SAC3D1: variants seen among roughly 807,000 people sequenced by gnomAD.
The protein encoded by SAC3D1 is SAC3 domain-containing protein 1.
A neutral mutation model predicts 12.7 loss-of-function variants in SAC3D1; 10 were observed. That is an observed-to-expected ratio of 0.79 (90% CI 0.49 to 1.34). SAC3D1 has a LOEUF of 1.34. SAC3D1 is among the 40% of genes most tolerant of loss of function. SAC3D1 has a pLI of 0.00. For synonymous variants in SAC3D1, 241 were observed against 250.8 expected, an observed-to-expected ratio of 0.96 and a Z score of 0.37; for missense variants, 482 against 531.1, an observed-to-expected ratio of 0.91 and a Z score of 0.91.
upstream of SAC3D1, chr11:65,041,037 G>T: frequency 1.8e-6 from 1 of 547,466 alleles, no homozygotes; most frequent in Non-Finnish European, 3.2e-6. Flanking sequence ...GCCCTAGAGC[G>T]CGCGGAGCCG....
chr11:65,041,234 T>TC lies in SAC3D1; in HGVS notation c.-56dup. 1 of 1,456,544 alleles carries TC rather than the reference T, an allele frequency of 6.9e-7. No individual in the cohort carries two copies. The highest frequency in any genetic ancestry group is 9.0e-7 in the Non-Finnish European group (1 of 1,108,652). The allele number at this position is 1,456,544 out of a possible 1,614,324, so 90.2% of individuals were successfully genotyped here. A position where few individuals can be genotyped will look rare whatever the true frequency, so the allele number is the denominator to read the frequency against. ...ACCCCCCGGCCGGCCTCGCGTGCCT[T>TC]CCCGCAGCACTGCCGTCCCCGGGAT... On this transcript the variant is annotated 5_prime_UTR_variant, in exon 1 of 2. Transcript: ENST00000652489.
In SAC3D1 at chr11:65,044,321, G is replaced by T; in HGVS notation, c.671G>T (p.Arg224Leu). 1 of 1,613,352 alleles carries T rather than the reference G, an allele frequency of 6.2e-7. No homozygotes were observed. ...GCCTTGGCGGTAGATGCTGCCTTCCGAGAGGGCAATGCTGCCCGCCTGTTC... is the reference window on the plus strand; with the variant it reads ...GCCTTGGCGGTAGATGCTGCCTTCCTAGAGGGCAATGCTGCCCGCCTGTTC... ...RKALAVDAAF[R>L]EGNAARLFRL... Residue 224 changes from arginine to leucine, a missense_variant, in exon 2 of 2, where the codon CGA becomes CTA. Arg to Leu is a moderately radical substitution (Grantham distance 102). Coordinates refer to ENST00000652489, the MANE Select transcript of SAC3D1 (RefSeq NM_013299.4). The surrounding 1 kb of genome is among the most constrained non-coding windows in gnomAD (Gnocchi z 4.0).
rs951899886 is a variant in SAC3D1, at chr11:65,044,053, A to G, written c.575-172A>G. Among the ~76,000 whole-genome samples, 5 of 152,206 alleles carry G rather than the reference A, an allele frequency of 3.3e-5. No individual in the cohort carries two copies. Among genetic ancestry groups the G allele is most frequent in the African/African-American group, 1.2e-4 (5 of 41,458 alleles). On this transcript the variant is annotated intron_variant, in intron 1 of 1. Coordinates refer to ENST00000652489, the MANE Select transcript of SAC3D1 (RefSeq NM_013299.4). The surrounding 1 kb of genome is among the most constrained non-coding windows in gnomAD (Gnocchi z 4.0). ...CAAGAGCCTGAGGCCACTCATTCAA[A>G]TATAGGTTGGGGAAGGAGCCAAAGG...
At position 65,041,445 on chromosome 11, in the gene SAC3D1, G is replaced by A. The variant is rs1323708631; in HGVS notation, c.153G>A (p.Val51=). ...CCCGCGCGGATCCGCAGCGCGCGGTGAAGGAGTACAGCCGACCCGCCGCCG... is the reference window on the plus strand; with the variant it reads ...CCCGCGCGGATCCGCAGCGCGCGGTAAAGGAGTACAGCCGACCCGCCGCCG... ...DPPRADPQRA[V]KEYSRPAAGK... Residue 51 remains valine, a synonymous_variant, in exon 1 of 2, where the codon GTG becomes GTA. Transcript: ENST00000652489. The A allele has an allele frequency of 1.3e-6, 2 of 1,501,490 alleles. No individual in the cohort carries two copies. 93.0% of individuals were successfully genotyped at this position (1,501,490 alleles called of 1,614,324 possible). A position where few individuals can be genotyped will look rare whatever the true frequency, so the allele number is the denominator to read the frequency against.
intron 1 of SAC3D1, among the ~76,000 whole-genome samples, chr11:65,043,960 C>T (rs1210667291): frequency 2.0e-5 from 3 of 152,216 alleles, no homozygotes; most frequent in African/African-American, 7.2e-5. Context: ...ATTATCTGGG[C>T]CAGCTTCCCA....
intron 1 of SAC3D1, among the ~76,000 whole-genome samples, chr11:65,042,382 AC>A (rs201920268): frequency 0.014 from 2,114 of 152,162 alleles, 47 homozygotes; most frequent in African/African-American, 0.048. Context: ...GGCGTGAGCC[AC>A]CGCGCCCGGC....
intron 1 of SAC3D1, 43 bp downstream of exon 1, chr11:65,041,909 A>G: frequency 7.3e-7 from 1 of 1,372,652 alleles, no homozygotes; most frequent in Non-Finnish European, 9.4e-7. Flanking sequence ...TGGGGACAGG[A>G]GCCCACCATG....
rs1371832108 is a variant in SAC3D1 at position 65,041,470 on chromosome 11, G to A, written c.178G>A (p.Gly60Ser). The change falls in exon 1 of 2, where the codon GGC becomes AGC. Residue 60 changes from glycine to serine, a missense_variant. By Grantham distance (56) the Gly-to-Ser change is moderately conservative. Coordinates refer to ENST00000652489, the MANE Select transcript of SAC3D1 (RefSeq NM_013299.4). ...GAAGGAGTACAGCCGACCCGCCGCCGGCAAGCCCCGGCCCCCGCCCAGCCA... is the reference window on the plus strand; with the variant it reads ...GAAGGAGTACAGCCGACCCGCCGCCAGCAAGCCCCGGCCCCCGCCCAGCCA... ...AVKEYSRPAAGKPRPPPSQLR... is the reference protein window; with the variant it reads ...AVKEYSRPAASKPRPPPSQLR... 6.8e-7 allele frequency: 1 copy of A among 1,478,448 alleles called. No homozygotes were observed. The allele number at this position is 1,478,448 out of a possible 1,614,324, so 91.6% of individuals were successfully genotyped here.
intron 1 of SAC3D1, among the ~76,000 whole-genome samples, chr11:65,042,210 G>A (rs1229866040): frequency 2.0e-5 from 3 of 151,694 alleles, no homozygotes; most frequent in Non-Finnish European, 4.4e-5. Context: ...CGATTCTTCT[G>A]CCTCAGCCTC....
rs779798673 is a variant in SAC3D1, at chr11:65,044,405, A to G, written c.755A>G (p.His252Arg). ...PSCAVQCHVG[H>R]ARREALARFA... ...TGCGCTGTGCAGTGCCATGTGGGCC[A>G]TGCCCGCCGGGAAGCCCTGGCCCGC... Residue 252 changes from histidine to arginine, a missense_variant, in exon 2 of 2, where the codon CAT (histidine) becomes CGT (arginine). Physicochemically the swap from His to Arg is conservative, Grantham distance 29. Around this residue, in one of 3 missense-constraint regions of SAC3D1, gnomAD observed 225 missense variants for 241.1 expected, o/e 0.93. Coordinates refer to ENST00000652489, the MANE Select transcript of SAC3D1 (RefSeq NM_013299.4). This position sits in a 1 kb window ranked among gnomAD's most constrained non-coding sequence, Gnocchi z 4.0. 8.7e-6 allele frequency: 14 copies of G among 1,613,578 alleles called. No individual in the cohort carries two copies. In the East Asian group the frequency reaches 2.7e-4, roughly 31 times the overall value.
rs1257213869 is a variant in SAC3D1 at position 65,041,375 on chromosome 11, G to C, written c.83G>C (p.Arg28Pro). ...CGCGCCCAGCGCGAAAGGGAGCACCGCCTGCACCGCTTGGAGGTGGTGCCG... is the reference window on the plus strand; with the variant it reads ...CGCGCCCAGCGCGAAAGGGAGCACCCCCTGCACCGCTTGGAGGTGGTGCCG... The part of the protein sequence containing the change: ...AERAQREREH[R>P]LHRLEVVPGC... The change falls in exon 1 of 2, where the codon CGC (arginine) becomes CCC (proline). Residue 28 changes from arginine (R) to proline (P), a missense_variant. Transcript: ENST00000652489. 6.6e-7 allele frequency: 1 copy of C among 1,512,002 alleles called. No homozygotes were observed. Among genetic ancestry groups the C allele is most frequent in the Non-Finnish European group, 8.8e-7 (1 of 1,137,228 alleles). 93.7% of individuals were successfully genotyped at this position (1,512,002 alleles called of 1,614,324 possible).
At chr11:65,042,015 C>G in intron 1 of SAC3D1, 149 bp downstream of exon 1, 1 of 1,080,966 alleles carries the variant, frequency 9.3e-7, no homozygotes, top group Non-Finnish European at 1.2e-6. Context: ...GACGTGGGAC[C>G]TCGGGCCCAT....
chr11:65,041,044 G>A, upstream of SAC3D1: 1 of 553,536 alleles, frequency 1.8e-6, no homozygotes, highest in Admixed American at 4.1e-5. Flanking sequence ...AGCGCGCGGA[G>A]CCGCAGAGGC....
chr11:65,041,197 C>T (rs945262859), upstream of SAC3D1: 8 of 1,174,372 alleles, frequency 6.8e-6, no homozygotes, highest in East Asian at 2.1e-4. Flanking sequence ...CCGCCCCGAC[C>T]CGCCGCTCCC....
In SAC3D1 at chr11:65,044,392, T is replaced by G; in HGVS notation, c.742T>G (p.Cys248Gly). The G allele has an allele frequency of 6.2e-7, 1 of 1,613,596 alleles. No individual in the cohort carries two copies. Among genetic ancestry groups the G allele is most frequent in the Non-Finnish European group, 8.5e-7 (1 of 1,180,008 alleles). ...LPYLPSCAVQ[C>G]HVGHARREAL... ...CTACCTGCCAAGTTGCGCTGTGCAG[T>G]GCCATGTGGGCCATGCCCGCCGGGA... Residue 248 changes from cysteine to glycine, a missense_variant, in exon 2 of 2, where the codon TGC becomes GGC. Cys to Gly is a radical substitution (Grantham distance 159). Coordinates refer to ENST00000652489, the MANE Select transcript of SAC3D1 (RefSeq NM_013299.4). The surrounding 1 kb of genome is among the most constrained non-coding windows in gnomAD (Gnocchi z 4.0).
chr11:65,041,601 C>T lies in SAC3D1; in HGVS notation c.309C>T (p.Asp103=), dbSNP rs745716463. 1 of 1,473,014 alleles carries T rather than the reference C, an allele frequency of 6.8e-7. No homozygotes were observed. Among genetic ancestry groups the T allele is most frequent in the Non-Finnish European group, 8.9e-7 (1 of 1,117,476 alleles). The allele number at this position is 1,473,014 out of a possible 1,614,324, so 91.2% of individuals were successfully genotyped here. A position where few individuals can be genotyped will look rare whatever the true frequency, so the allele number is the denominator to read the frequency against. ...ARAEVASFVA[D]RLRAVLLDLA... ...CCGAGGTGGCCAGCTTCGTGGCAGACCGCTTGCGAGCTGTGCTCCTGGACC... is the reference window on the plus strand; with the variant it reads ...CCGAGGTGGCCAGCTTCGTGGCAGATCGCTTGCGAGCTGTGCTCCTGGACC... The change falls in exon 1 of 2, where the codon GAC becomes GAT. Residue 103 remains aspartate (D), a synonymous_variant. Coordinates refer to ENST00000652489, the MANE Select transcript of SAC3D1 (RefSeq NM_013299.4).
rs777894075 is a variant in SAC3D1 at position 65,041,662 on chromosome 11, G to A, written c.370G>A (p.Val124Met). ...GGGAGCGGGCGACGCCGAGGCAGCT[G>A]TGGTGCTGGAGGCGGCGCTGGCCAC... ...LQGAGDAEAA[V>M]VLEAALATLL... Residue 124 changes from valine to methionine, a missense_variant, in exon 1 of 2, where the codon GTG becomes ATG. Physicochemically the swap from Val to Met is conservative, Grantham distance 21. Transcript: ENST00000652489. 243 of 1,424,442 alleles carry A rather than the reference G, an allele frequency of 1.7e-4. No individual in the cohort carries two copies. Among genetic ancestry groups the A allele is most frequent in the Non-Finnish European group, 2.1e-4 (233 of 1,091,510 alleles). The allele number at this position is 1,424,442 out of a possible 1,614,324, so 88.2% of individuals were successfully genotyped here.
intron 1 of SAC3D1, chr11:65,043,079 C>T (rs1455329754): frequency 2.2e-6 from 1 of 446,992 alleles, no homozygotes; most frequent in Admixed American, 2.4e-5. Context: ...GATCCTCCTG[C>T]CCCACCCTCC....
Position 65,041,747 on chromosome 11 carries a change from T to G in SAC3D1, c.455T>G (p.Val152Gly). ...PDAARGPADP[V>G]LLQAQVQEGF... ...GCGGCGCGGGGACCCGCGGACCCGG[T>G]GCTGCTGCAGGCCCAGGTGCAGGAG... The change falls in exon 1 of 2, where the codon GTG (valine) becomes GGG (glycine). Residue 152 changes from valine to glycine, a missense_variant. By Grantham distance (109) the Val-to-Gly change is moderately radical. Around this residue, in one of 3 missense-constraint regions of SAC3D1, gnomAD observed 60 missense variants for 106.9 expected, o/e 0.56. Transcript: ENST00000652489. 1 of 1,325,646 alleles carries G rather than the reference T, an allele frequency of 7.5e-7. No individual in the cohort carries two copies. The highest frequency in any genetic ancestry group is 9.6e-7 in the Non-Finnish European group (1 of 1,045,292). The allele number at this position is 1,325,646 out of a possible 1,614,324, so 82.1% of individuals were successfully genotyped here. A position where few individuals can be genotyped will look rare whatever the true frequency, so the allele number is the denominator to read the frequency against.
Sources: allele counts gnomAD v4.1 joint callset (sites outside exome capture counted in the v4.1 genomes callset), GRCh38; gene constraint gnomAD v4.1.1; regional missense constraint gnomAD v4.1.1; non-coding constraint Gnocchi (gnomAD v3.1); transcripts MANE v1.5; gene names NCBI Gene and HGNC (gene_info 2026-07-23, HGNC 2026-07-21).